ARHGAP20: variants seen among roughly 807,000 people sequenced by gnomAD.
ARHGAP20 encodes Rho GTPase activating protein 20.
In ARHGAP20, 34 loss-of-function variants were observed where a neutral mutation model predicts 73.7. That is an observed-to-expected ratio of 0.46 (90% CI 0.35 to 0.61). The LOEUF is 0.61. Among genes scored for constraint, ARHGAP20 ranks in the 20% least tolerant of loss-of-function variants. The probability of loss-of-function intolerance (pLI) is 0.00; values close to 1 mark genes in which losing one functional copy is unlikely to be tolerated. For missense variants in ARHGAP20, 1,314 were observed against 1,420.9 expected (o/e 0.92, Z 1.21); for synonymous variants, 523 against 518.2 (o/e 1.01, Z -0.13).
chr11:110,681,666 T>C (rs116660396), intron 2 of ARHGAP20, among the ~76,000 whole-genome samples: 1,540 of 152,214 alleles, frequency 0.01, 23 homozygotes, highest in African/African-American at 0.035. Context: ...AAAAAGGAAG[T>C]GGAATAATGA....
intron 10 of ARHGAP20, 105 bp downstream of exon 10, chr11:110,591,872 A>G: frequency 8.4e-7 from 1 of 1,184,728 alleles, no homozygotes; most frequent in Non-Finnish European, 1.2e-6. Flanking sequence ...TTAGCCAAAG[A>G]CAGTGGTGTC....
At chr11:110,652,557 T>C (rs1402678483) in intron 2 of ARHGAP20, among the ~76,000 whole-genome samples, 1 of 152,002 alleles carries the variant, frequency 6.6e-6, no homozygotes. Context: ...ATAAAATAAA[T>C]ATGCAAAAAT....
intron 9 of ARHGAP20, among the ~76,000 whole-genome samples, chr11:110,606,044 G>A (rs1948220445): frequency 6.6e-6 from 1 of 152,150 alleles, no homozygotes; most frequent in African/African-American, 2.4e-5. Context: ...TCTTTATTGT[G>A]GGGTGGGTAA....
At chr11:110,632,986 C>T (rs752412933) in intron 2 of ARHGAP20, among the ~76,000 whole-genome samples, 9 of 152,102 alleles carry the variant, frequency 5.9e-5, no homozygotes, top group East Asian at 3.9e-4. Flanking sequence ...TAAATTTTGA[C>T]GAAGTTTATC....
At chr11:110,646,050 T>C (rs796573491) in intron 2 of ARHGAP20, among the ~76,000 whole-genome samples, 11 of 152,314 alleles carry the variant, frequency 7.2e-5, no homozygotes, top group African/African-American at 2.6e-4. Flanking sequence ...GATTCATTCA[T>C]ACTCCAAACC....
At chr11:110,595,614 C>T (rs151052197) in intron 9 of ARHGAP20, among the ~76,000 whole-genome samples, 4,710 of 152,246 alleles carry the variant, frequency 0.031, 252 homozygotes, top group African/African-American at 0.11. Context: ...TCCAGGAGAA[C>T]TACAAACCAC....
intron 1 of ARHGAP20, among the ~76,000 whole-genome samples, chr11:110,702,211 G>A (rs1426575589): frequency 5.9e-5 from 9 of 152,136 alleles, no homozygotes; most frequent in African/African-American, 1.9e-4. Context: ...TTCATCCCTG[G>A]GATGCAAGGC....
At chr11:110,592,960 G>A (rs1210026616) in intron 9 of ARHGAP20, among the ~76,000 whole-genome samples, 2 of 152,142 alleles carry the variant, frequency 1.3e-5, no homozygotes, top group African/African-American at 2.4e-5. Flanking sequence ...AGAAAAGCAA[G>A]TATGTTAATA....
intron 4 of ARHGAP20, 83 bp downstream of exon 4, chr11:110,624,079 T>C (rs191989886): frequency 2.7e-6 from 4 of 1,475,860 alleles, no homozygotes; most frequent in African/African-American, 1.4e-5. Flanking sequence ...AGGAACAACA[T>C]TTGATTAATT....
chr11:110,628,063 C>T (rs79412037), intron 3 of ARHGAP20, among the ~76,000 whole-genome samples: 7,119 of 152,166 alleles, frequency 0.047, 570 homozygotes, highest in African/African-American at 0.16. Flanking sequence ...ATTTAATACC[C>T]GTTTTACTGT....
chr11:110,579,879 ACTCCATGGTG>A lies in ARHGAP20; in HGVS notation c.3057_3066del (p.Thr1020GlyfsTer8). The A allele has an allele frequency of 6.2e-7, 1 of 1,614,050 alleles. No individual in the cohort carries two copies. Among genetic ancestry groups the A allele is most frequent in the Non-Finnish European group, 8.5e-7 (1 of 1,180,008 alleles). ...GTTACAGAATGCATTTGTGAATGCC[ACTCCATGGTG>A]TCCTTCTTTGTATAGGCTGGGCGGC... is the stretch of plus-strand genomic sequence containing the variant. On this transcript the variant is annotated frameshift_variant, in exon 15 of 15. Coordinates refer to ENST00000683387, the MANE Select transcript of ARHGAP20 (RefSeq NM_001384657.1). LOFTEE classifies it low-confidence loss of function (END_TRUNC).
chr11:110,680,024 G>A (rs531278282), intron 2 of ARHGAP20, among the ~76,000 whole-genome samples: 21 of 152,234 alleles, frequency 1.4e-4, no homozygotes, highest in African/African-American at 5.1e-4. Context: ...GTTGAGGCAA[G>A]ACCTAAACCT....
intron 11 of ARHGAP20, among the ~76,000 whole-genome samples, chr11:110,590,221 A>G (rs985706238): frequency 6.6e-6 from 1 of 151,752 alleles, no homozygotes; most frequent in Non-Finnish European, 1.5e-5. Context: ...CCAAATGTTT[A>G]TTATGGCAAA....
chr11:110,605,999 C>T (rs1176754475), intron 9 of ARHGAP20, among the ~76,000 whole-genome samples: 1 of 152,190 alleles, frequency 6.6e-6, no homozygotes, highest in Non-Finnish European at 1.5e-5. Context: ...AATTACAGTT[C>T]TCTTATATTG....
At chr11:110,587,567 A>T (rs1947703349) in intron 11 of ARHGAP20, among the ~76,000 whole-genome samples, 1 of 152,214 alleles carries the variant, frequency 6.6e-6, no homozygotes, top group Admixed American at 6.5e-5. Flanking sequence ...GAGCTCCTCC[A>T]GGGTAGGGAC....
chr11:110,639,650 A>G (rs1949041084), intron 2 of ARHGAP20, among the ~76,000 whole-genome samples: 1 of 151,888 alleles, frequency 6.6e-6, no homozygotes, highest in Non-Finnish European at 1.5e-5. Context: ...TTCTGTCTCT[A>G]TGGAGTTGCC....
At chr11:110,632,921 C>T (rs1948889319) in intron 2 of ARHGAP20, among the ~76,000 whole-genome samples, 1 of 152,120 alleles carries the variant, frequency 6.6e-6, no homozygotes, top group Admixed American at 6.6e-5. Flanking sequence ...AATATTTTCT[C>T]CTAGTCTGTT....
At chr11:110,668,006 T>C (rs1317788516) in intron 2 of ARHGAP20, among the ~76,000 whole-genome samples, 3 of 152,200 alleles carry the variant, frequency 2.0e-5, no homozygotes, top group East Asian at 3.8e-4. Flanking sequence ...TTAGACTTAA[T>C]TGATAAAGCA....
chr11:110,634,320 T>G (rs1327546215), intron 2 of ARHGAP20, among the ~76,000 whole-genome samples: 1 of 152,094 alleles, frequency 6.6e-6, no homozygotes, highest in African/African-American at 2.4e-5. Flanking sequence ...ACTTTAAGGA[T>G]TCTAAAGTGG....
Sources: allele counts gnomAD v4.1 joint callset (sites outside exome capture counted in the v4.1 genomes callset), GRCh38; gene constraint gnomAD v4.1.1; transcripts MANE v1.5; gene names NCBI Gene and HGNC (gene_info 2026-07-23, HGNC 2026-07-21).